Variants in LRP1B observed in about 807,000 individuals in gnomAD.
LRP1B encodes the protein LDL receptor related protein 1B, also known as low-density lipoprotein receptor-related protein 1B.
A neutral mutation model predicts 556.6 loss-of-function variants in LRP1B; 217 were observed. The ratio of observed to expected loss-of-function variants is 0.39; its 90% CI spans 0.35 to 0.44. The LOEUF (loss-of-function observed/expected upper bound fraction) is 0.44, where lower values mean the gene tolerates loss of function less well. Ranked by LOEUF, LRP1B falls within the 20% of genes least tolerant of loss-of-function variation. The pLI, the probability that LRP1B is intolerant of heterozygous loss-of-function variation, is 1.00. For missense variants in LRP1B, 5,053 were observed against 5,620.8 expected (o/e 0.90, Z 3.23); for synonymous variants, 2,047 against 1,865.8 (o/e 1.10, Z -2.50).
At chr2:141,287,109 A>G (rs1196245178) in intron 3 of LRP1B, among the ~76,000 whole-genome samples, 3 of 152,168 alleles carry the variant, frequency 2.0e-5, no homozygotes, top group African/African-American at 4.8e-5. Context: ...TAACTTAGTT[A>G]GGAGTTTATT....
At chr2:140,985,894 T>A (rs2105348249) in intron 17 of LRP1B, among the ~76,000 whole-genome samples, 1 of 152,106 alleles carries the variant, frequency 6.6e-6, no homozygotes, top group African/African-American at 2.4e-5. Context: ...AAGAAAAAAA[T>A]GTATGTACTT....
At position 141,905,765 on chromosome 2, in the gene LRP1B, ATGTGTGTGTGTG is replaced by A. The variant is rs56309590; in HGVS notation, c.83-95376_83-95365del. Among the ~76,000 whole-genome samples, 316 of 100,298 alleles carry A rather than the reference ATGTGTGTGTGTG, an allele frequency of 3.2e-3. 1 individual carries two copies. Among genetic ancestry groups the A allele is most frequent in the African/African-American group, 0.01 (296 of 29,262 alleles). The allele number at this position is 100,298 out of a possible 152,430, so 65.8% of individuals were successfully genotyped here. ...GAGAAAATGGATCTGGTTTGAATAG[ATGTGTGTGTGTG>A]TGTGTGTGTGTGTGTGTGTGTGTGT... On this transcript the variant is annotated intron_variant, in intron 1 of 90. Transcript: ENST00000389484.
chr2:140,898,795 C>A, intron 23 of LRP1B: 1 of 544,490 alleles, frequency 1.8e-6, no homozygotes, highest in South Asian at 1.5e-5. Flanking sequence ...GCGCTATCAC[C>A]CAACTTTGTA....
intron 84 of LRP1B, among the ~76,000 whole-genome samples, chr2:140,275,810 G>A (rs556270636): frequency 6.6e-6 from 1 of 151,844 alleles, no homozygotes; most frequent in Non-Finnish European, 1.5e-5. Context: ...CGTCACAGAC[G>A]ATTTTCTCAA....
intron 86 of LRP1B, among the ~76,000 whole-genome samples, chr2:140,257,266 T>G (rs550848324): frequency 6.6e-6 from 1 of 152,312 alleles, no homozygotes; most frequent in African/African-American, 2.4e-5. Flanking sequence ...AGGTGGTTTA[T>G]AGCAGTACAA....
chr2:140,316,323 A>G (rs999124698), intron 82 of LRP1B, among the ~76,000 whole-genome samples: 8 of 152,182 alleles, frequency 5.3e-5, no homozygotes, highest in African/African-American at 9.6e-5. Context: ...CATACATGAC[A>G]GAAGCTTGAA....
intron 1 of LRP1B, among the ~76,000 whole-genome samples, chr2:141,897,402 G>T (rs906542003): frequency 1.3e-5 from 2 of 152,232 alleles, no homozygotes; most frequent in East Asian, 3.9e-4. Context: ...GGCTGATATT[G>T]CCTCATCAAG....
intron 3 of LRP1B, among the ~76,000 whole-genome samples, chr2:141,366,654 CT>C (rs1350286584): frequency 6.6e-6 from 1 of 152,098 alleles, no homozygotes; most frequent in Non-Finnish European, 1.5e-5. Flanking sequence ...ATTGGAGTTT[CT>C]TTCAGAAAAT....
intron 1 of LRP1B, among the ~76,000 whole-genome samples, chr2:141,862,087 C>A (rs773136754): frequency 6.6e-5 from 10 of 152,078 alleles, no homozygotes; most frequent in Non-Finnish European, 1.3e-4. Context: ...AAATGAAATA[C>A]AAACTACAAA....
chr2:141,837,525 A>G (rs1351741723), intron 1 of LRP1B, among the ~76,000 whole-genome samples: 9 of 152,146 alleles, frequency 5.9e-5, no homozygotes, highest in Non-Finnish European at 8.8e-5. Flanking sequence ...GACCTTATAA[A>G]AGGCTAGAAG....
At chr2:141,936,630 A>G (rs969101836) in intron 1 of LRP1B, among the ~76,000 whole-genome samples, 1 of 152,194 alleles carries the variant, frequency 6.6e-6, no homozygotes, top group Non-Finnish European at 1.5e-5. Flanking sequence ...ACAAACTAAT[A>G]CGTATGGTAA....
At chr2:141,177,688 A>G (rs1680794764) in intron 7 of LRP1B, among the ~76,000 whole-genome samples, 1 of 152,158 alleles carries the variant, frequency 6.6e-6, no homozygotes, top group African/African-American at 2.4e-5. Context: ...AGTGAAAAGA[A>G]CAAGTCCAAA....
chr2:140,344,359 G>C (rs1011299507), intron 77 of LRP1B, among the ~76,000 whole-genome samples: 2 of 151,816 alleles, frequency 1.3e-5, no homozygotes, highest in Admixed American at 6.6e-5. Context: ...CTAACATAAA[G>C]TAGCCAACTC....
intron 66 of LRP1B, among the ~76,000 whole-genome samples, chr2:140,389,527 T>C (rs1683916220): frequency 6.6e-6 from 1 of 150,778 alleles, no homozygotes; most frequent in Non-Finnish European, 1.5e-5. Flanking sequence ...AAACTAACAA[T>C]GGTATCAATG....
At chr2:141,420,505 C>CA (rs1173565617) in intron 3 of LRP1B, among the ~76,000 whole-genome samples, 48 of 146,506 alleles carry the variant, frequency 3.3e-4, no homozygotes, top group African/African-American at 1.1e-3. Context: ...ACCAAAAGCT[C>CA]GTAAGTTTTT....
chr2:141,978,466 G>C (rs531505062), intron 1 of LRP1B, among the ~76,000 whole-genome samples: 4 of 151,826 alleles, frequency 2.6e-5, no homozygotes, highest in African/African-American at 7.3e-5. Flanking sequence ...GTTTAACAAG[G>C]TGTCTAAAAA....
At chr2:141,442,061 G>A (rs529541848) in intron 3 of LRP1B, among the ~76,000 whole-genome samples, 16 of 152,188 alleles carry the variant, frequency 1.1e-4, no homozygotes, top group Middle Eastern at 3.4e-3. Context: ...AAGACATTAC[G>A]AAAATTGTCT....
At chr2:141,410,443 A>G (rs1394165194) in intron 3 of LRP1B, among the ~76,000 whole-genome samples, 1 of 152,050 alleles carries the variant, frequency 6.6e-6, no homozygotes, top group Non-Finnish European at 1.5e-5. Context: ...TTAAGATGAT[A>G]ATGTCATCAA....
chr2:140,682,995 G>A (rs57976795), intron 41 of LRP1B, among the ~76,000 whole-genome samples: 11,180 of 152,184 alleles, frequency 0.073, 919 homozygotes, highest in African/African-American at 0.19. Flanking sequence ...ATTAGAGTAC[G>A]TGTAGAAAAC....
Sources: gnomAD v4.1 joint callset for allele counts (sites outside exome capture counted in the v4.1 genomes callset) on GRCh38, gnomAD v4.1.1 for gene constraint, MANE v1.5 for transcripts, NCBI Gene and HGNC (gene_info 2026-07-23, HGNC 2026-07-21) for gene names.